The following ALK variants were observed in gnomAD, a reference collection of about 807,000 sequenced individuals.
The protein encoded by ALK is ALK tyrosine kinase receptor.
In ALK, 74 loss-of-function variants were observed where a neutral mutation model predicts 163.1. That is an observed-to-expected ratio of 0.45 (90% CI 0.38 to 0.55). The LOEUF is 0.55. ALK is among the 20% of genes least tolerant of loss of function. The pLI is 0.00. For synonymous variants in ALK, 960 were observed against 843.2 expected, an observed-to-expected ratio of 1.14 and a Z score of -2.40; for missense variants, 2,063 against 2,105.3, an observed-to-expected ratio of 0.98 and a Z score of 0.39.
rs374887928 is a variant in ALK, at chr2:29,765,778, C to G, written c.668-48081G>C. On this transcript the variant is annotated intron_variant, in intron 1 of 28. Transcript: ENST00000389048. ...ATATTTATATATACACAGTGGTGGG[C>G]TGGGAGATGTTTAACAAGCTCTCTG... is the stretch of plus-strand genomic sequence containing the variant. Among the ~76,000 whole-genome samples the G allele has an allele frequency of 7.2e-5, 11 of 152,126 alleles. 1 individual carries two copies. Among genetic ancestry groups the G allele is most frequent in the African/African-American group, 2.7e-4 (11 of 41,494 alleles).
intron 3 of ALK, among the ~76,000 whole-genome samples, chr2:29,616,098 C>A (rs6547962): frequency 6.6e-6 from 1 of 152,084 alleles, no homozygotes; most frequent in Non-Finnish European, 1.5e-5. Flanking sequence ...TACAGCGGAC[C>A]TCACGGAGTC....
chr2:29,413,665 G>A (rs924555010), intron 4 of ALK, among the ~76,000 whole-genome samples: 3 of 152,114 alleles, frequency 2.0e-5, no homozygotes, highest in Non-Finnish European at 4.4e-5. Context: ...CCAAGTAGCT[G>A]GGACTACAGG....
chr2:29,881,935 G>T (rs975851159), intron 1 of ALK, among the ~76,000 whole-genome samples: 17 of 152,142 alleles, frequency 1.1e-4, no homozygotes, highest in African/African-American at 4.1e-4. Context: ...CAGTTCAGAA[G>T]GCCAAAGGAG....
intron 1 of ALK, among the ~76,000 whole-genome samples, chr2:29,895,566 A>G (rs1033361414): frequency 6.6e-6 from 1 of 152,186 alleles, no homozygotes; most frequent in African/African-American, 2.4e-5. Flanking sequence ...GCCTTCAGAA[A>G]CCCACAGAAA....
intron 1 of ALK, among the ~76,000 whole-genome samples, chr2:29,840,453 A>T (rs1236581843): frequency 6.6e-6 from 1 of 152,176 alleles, no homozygotes; most frequent in Non-Finnish European, 1.5e-5. Flanking sequence ...CAGTCTAGTA[A>T]CAGTTAGTAA....
intron 3 of ALK, 123 bp downstream of exon 3, chr2:29,694,727 T>C: frequency 4.5e-6 from 6 of 1,320,336 alleles, no homozygotes; most frequent in South Asian, 2.4e-5. Context: ...GTCACAGATA[T>C]TAAAAGCAGG....
At chr2:29,221,126 G>A (rs759345322) in intron 22 of ALK, 9 of 578,872 alleles carry the variant, frequency 1.6e-5, no homozygotes, top group South Asian at 1.1e-4. Flanking sequence ...GGGGGCAGGA[G>A]AGTGTCTTTC....
At chr2:29,320,318 G>C (rs944862926) in intron 7 of ALK, among the ~76,000 whole-genome samples, 1 of 152,140 alleles carries the variant, frequency 6.6e-6, no homozygotes. Context: ...CATGGACCGG[G>C]TATAGGGTGA....
chr2:29,666,443 C>T (rs1677515860), intron 3 of ALK, among the ~76,000 whole-genome samples: 1 of 152,064 alleles, frequency 6.6e-6, no homozygotes, highest in Non-Finnish European at 1.5e-5. Context: ...GATCAATGCC[C>T]TTGTATCTCC....
Position 29,275,828 on chromosome 2 carries a change from G to A in ALK, c.1818-332C>T, listed in dbSNP as rs1174213850. Among the ~76,000 whole-genome samples the A allele has an allele frequency of 2.0e-5, 3 of 152,260 alleles. No homozygotes were observed. In the East Asian group the frequency reaches 5.8e-4, roughly 29 times the overall value. ...TGGGTGTGCAGGATGCTTGGAAATG[G>A]GAAGAAATCTGACAGTAACTGCTTC... On this transcript the variant is annotated intron_variant, in intron 9 of 28. Coordinates refer to ENST00000389048, the MANE Select transcript of ALK (RefSeq NM_004304.5).
rs3054016 is a variant in ALK at position 29,369,308 on chromosome 2, TTGTG to T, written c.1282+14420_1282+14423del. Among the ~76,000 whole-genome samples, 39 of 145,360 alleles carry T rather than the reference TTGTG, an allele frequency of 2.7e-4. No homozygotes were observed. In the South Asian group the frequency reaches 3.9e-3, roughly 14 times the overall value. Reference sequence around the variant, plus strand: ...TGTGTGTGTGTGCACACGTGCATATTTGTGTGTGTGTGTGTGTGTGTGTGTGTTG... The same window carrying T: ...TGTGTGTGTGTGCACACGTGCATATTTGTGTGTGTGTGTGTGTGTGTGTTG... On this transcript the variant is annotated intron_variant, in intron 5 of 28. Transcript: ENST00000389048.
At chr2:29,558,549 C>T (rs1256322546) in intron 3 of ALK, among the ~76,000 whole-genome samples, 1 of 152,182 alleles carries the variant, frequency 6.6e-6, no homozygotes, top group South Asian at 2.1e-4. Flanking sequence ...CACACCCCTC[C>T]CTACCCTCTC....
intron 3 of ALK, among the ~76,000 whole-genome samples, chr2:29,566,478 T>C (rs79761465): frequency 0.013 from 2,042 of 152,290 alleles, 43 homozygotes; most frequent in African/African-American, 0.047. Flanking sequence ...TCATGTGTTG[T>C]TAAGAAGTGA....
chr2:29,235,184 C>T (rs1487556398), intron 13 of ALK, among the ~76,000 whole-genome samples: 1 of 152,242 alleles, frequency 6.6e-6, no homozygotes, highest in Admixed American at 6.5e-5. Context: ...TCGGCCACCA[C>T]AGCTCAGACG....
At chr2:29,527,215 A>C (rs1423744745) in intron 4 of ALK, among the ~76,000 whole-genome samples, 1 of 152,240 alleles carries the variant, frequency 6.6e-6, no homozygotes. Context: ...GATGGCCACA[A>C]ATCAATATCT....
intron 4 of ALK, among the ~76,000 whole-genome samples, chr2:29,507,361 T>C (rs1177259686): frequency 1.3e-5 from 2 of 152,068 alleles, no homozygotes; most frequent in African/African-American, 4.8e-5. Context: ...GGTGGTTGCC[T>C]GGGGTTGGAG....
chr2:29,537,668 G>T (rs1477360556), intron 3 of ALK, among the ~76,000 whole-genome samples: 1 of 152,246 alleles, frequency 6.6e-6, no homozygotes, highest in Non-Finnish European at 1.5e-5. Context: ...GAAGGGGGCT[G>T]CTGCCTTCTA....
At chr2:29,491,264 T>C (rs967452869) in intron 4 of ALK, among the ~76,000 whole-genome samples, 2 of 152,220 alleles carry the variant, frequency 1.3e-5, no homozygotes, top group Non-Finnish European at 1.5e-5. Context: ...TCAAAGCCCC[T>C]GTAGAGACAG....
chr2:29,376,453 A>C (rs752143986), intron 5 of ALK, among the ~76,000 whole-genome samples: 1 of 152,234 alleles, frequency 6.6e-6, no homozygotes, highest in Non-Finnish European at 1.5e-5. Flanking sequence ...GTAGAATGGA[A>C]ATGTTAAAGG....
Sources: gnomAD v4.1 joint callset for allele counts (sites outside exome capture counted in the v4.1 genomes callset) on GRCh38, gnomAD v4.1.1 for gene constraint, MANE v1.5 for transcripts, NCBI Gene and HGNC (gene_info 2026-07-23, HGNC 2026-07-21) for gene names.